The following TTC27 variants were observed in gnomAD, a reference collection of about 807,000 sequenced individuals.
TTC27 encodes tetratricopeptide repeat domain 27, also known as tetratricopeptide repeat protein 27.
A neutral mutation model predicts 115.9 loss-of-function variants in TTC27; 79 were observed. The ratio of observed to expected loss-of-function variants is 0.68; its 90% CI spans 0.57 to 0.82. The LOEUF (loss-of-function observed/expected upper bound fraction) is 0.82. Among genes scored for constraint, TTC27 ranks in the 40% least tolerant of loss-of-function variants. The probability of loss-of-function intolerance (pLI) is 0.00; values close to 1 mark genes in which losing one functional copy is unlikely to be tolerated. For missense variants in TTC27, 1,054 were observed against 993.1 expected (o/e 1.06, Z -0.82); for synonymous variants, 401 against 356.0 (o/e 1.13, Z -1.42).
rs371259072 is a variant in TTC27 at position 32,659,973 on chromosome 2, C to T, written c.641-4330C>T. Among the ~76,000 whole-genome samples the T allele has an allele frequency of 3.1e-4, 47 of 152,236 alleles. 3 individuals are homozygous for T. In the South Asian group the frequency reaches 8.7e-3, roughly 28 times the overall value. On this transcript the variant is annotated intron_variant, in intron 5 of 19. Transcript: ENST00000317907. ...CTATTGTGAACAGTGCTGCAGTAAA[C>T]ATATGTGTGCATGTGTTTTTATAGC...
intron 13 of TTC27, among the ~76,000 whole-genome samples, chr2:32,758,762 CT>C (rs11295306): frequency 0.17 from 25,079 of 151,794 alleles, 2,523 homozygotes; most frequent in South Asian, 0.34. Flanking sequence ...ATTTTTTTCC[CT>C]TATCTGTCCT....
intron 13 of TTC27, among the ~76,000 whole-genome samples, chr2:32,769,869 G>A (rs978735848): frequency 6.6e-6 from 1 of 152,192 alleles, no homozygotes; most frequent in African/African-American, 2.4e-5. Flanking sequence ...GGTTTATATA[G>A]GTTAAATGGA....
chr2:32,653,109 G>T (rs1665191044), intron 5 of TTC27, among the ~76,000 whole-genome samples: 1 of 152,152 alleles, frequency 6.6e-6, no homozygotes, highest in Admixed American at 6.6e-5. Context: ...TACAACAATT[G>T]ATCATGGCAT....
At chr2:32,715,411 A>G (rs142042205) in intron 10 of TTC27, among the ~76,000 whole-genome samples, 4 of 152,020 alleles carry the variant, frequency 2.6e-5, no homozygotes, top group South Asian at 2.1e-4. Flanking sequence ...TGGGCTCTCT[A>G]TTCTGTTCCA....
chr2:32,662,328 G>A (rs1268131928), intron 5 of TTC27, among the ~76,000 whole-genome samples: 2 of 152,154 alleles, frequency 1.3e-5, no homozygotes, highest in Non-Finnish European at 2.9e-5. Flanking sequence ...GATTGGAATA[G>A]TTTCAGAAGG....
At chr2:32,755,553 G>A (rs1479511513) in intron 12 of TTC27, among the ~76,000 whole-genome samples, 2 of 151,716 alleles carry the variant, frequency 1.3e-5, no homozygotes, top group African/African-American at 4.8e-5. Flanking sequence ...GCTTCGGCTC[G>A]GCATCAGAGG....
intron 12 of TTC27, among the ~76,000 whole-genome samples, chr2:32,739,525 TG>T (rs1177680856): frequency 7.9e-5 from 12 of 152,174 alleles, no homozygotes; most frequent in Admixed American, 7.9e-4. Context: ...TGTGTAATAA[TG>T]ACAAATGCTT....
chr2:32,782,705 A>G (rs763086271), intron 15 of TTC27, 27 bp downstream of exon 15: 1 of 1,563,860 alleles, frequency 6.4e-7, no homozygotes, highest in South Asian at 1.1e-5. Flanking sequence ...AATATGAAGA[A>G]ATTTGCTTCC....
At chr2:32,722,058 C>G (rs1364387471) in intron 10 of TTC27, among the ~76,000 whole-genome samples, 1 of 152,164 alleles carries the variant, frequency 6.6e-6, no homozygotes, top group Non-Finnish European at 1.5e-5. Context: ...ATCATCTTCA[C>G]TTTATAGGAG....
At chr2:32,707,224 C>T (rs1182836596) in intron 10 of TTC27, among the ~76,000 whole-genome samples, 1 of 152,168 alleles carries the variant, frequency 6.6e-6, no homozygotes, top group African/African-American at 2.4e-5. Flanking sequence ...TTGTTTCTTA[C>T]AGTTCTGGGG....
rs1670219902 is a variant in TTC27, at chr2:32,782,653, A to G, written c.1807A>G (p.Thr603Ala). Residue 603 changes from threonine to alanine, a missense_variant, in exon 15 of 20, where the codon ACT becomes GCT. Thr to Ala is a moderately conservative substitution (Grantham distance 58, BLOSUM62 0). Coordinates refer to ENST00000317907, the MANE Select transcript of TTC27 (RefSeq NM_017735.5). ...DNAEAWNNLS[T>A]SYIRLKQKVK... Reference sequence around the variant, plus strand: ...TGCTGAAGCTTGGAACAATTTGTCAACTTCCTATATCCGATTAAAACAAAA... The same window carrying G: ...TGCTGAAGCTTGGAACAATTTGTCAGCTTCCTATATCCGATTAAAACAAAA... The G allele has an allele frequency of 6.2e-6, 10 of 1,612,110 alleles. No homozygotes were observed. Among genetic ancestry groups the G allele is most frequent in the Admixed American group, 1.7e-5 (1 of 59,928 alleles).
At chr2:32,760,122 C>T (rs1047554154) in intron 13 of TTC27, among the ~76,000 whole-genome samples, 2 of 152,072 alleles carry the variant, frequency 1.3e-5, no homozygotes, top group East Asian at 3.9e-4. Flanking sequence ...GAAAAAAAAT[C>T]AGAAGTGCAT....
intron 16 of TTC27, among the ~76,000 whole-genome samples, chr2:32,791,970 G>A (rs1327267222): frequency 1.3e-5 from 2 of 152,134 alleles, no homozygotes; most frequent in Non-Finnish European, 2.9e-5. Flanking sequence ...AAACAGTTAT[G>A]GAACATTTTC....
chr2:32,652,340 T>C (rs1441927028), intron 5 of TTC27, among the ~76,000 whole-genome samples: 2 of 152,040 alleles, frequency 1.3e-5, no homozygotes, highest in Admixed American at 1.3e-4. Context: ...CATTGCACTC[T>C]GGCCTGGGCG....
intron 16 of TTC27, among the ~76,000 whole-genome samples, chr2:32,793,080 A>G (rs1362737480): frequency 1.3e-5 from 2 of 152,198 alleles, no homozygotes; most frequent in East Asian, 3.9e-4. Flanking sequence ...TTTAAAGGCC[A>G]TTATATGAAC....
At chr2:32,772,999 CTATCACA>C (rs1558336373) in intron 13 of TTC27, among the ~76,000 whole-genome samples, 26 of 152,228 alleles carry the variant, frequency 1.7e-4, no homozygotes, top group African/African-American at 6.3e-4. Context: ...TCTTTCTCCT[CTATCACA>C]CTCTAGGGGA....
chr2:32,691,790 A>G (rs73922781), intron 9 of TTC27, among the ~76,000 whole-genome samples: 30,130 of 151,804 alleles, frequency 0.2, 3,538 homozygotes, highest in South Asian at 0.39. Flanking sequence ...AAGATTACAT[A>G]CTTGTAAAAG....
chr2:32,819,218 A>G (rs1367524840), intron 19 of TTC27, among the ~76,000 whole-genome samples: 1 of 152,196 alleles, frequency 6.6e-6, no homozygotes, highest in Non-Finnish European at 1.5e-5. Flanking sequence ...CTTGAATAGT[A>G]TTGTCTGTGC....
intron 4 of TTC27, among the ~76,000 whole-genome samples, chr2:32,649,240 A>G (rs1664987722): frequency 2.0e-5 from 3 of 152,308 alleles, no homozygotes. Context: ...GATTGGGGGA[A>G]CATCTGAATC....
Sources: allele counts gnomAD v4.1 joint callset (sites outside exome capture counted in the v4.1 genomes callset), GRCh38; gene constraint gnomAD v4.1.1; transcripts MANE v1.5; gene names NCBI Gene and HGNC (gene_info 2026-07-23, HGNC 2026-07-21).